PDGFD: variants seen among roughly 807,000 people sequenced by gnomAD.
The protein encoded by PDGFD is platelet-derived growth factor D.
Under a neutral mutation model 44.7 loss-of-function variants are expected in PDGFD, and 30 were observed. The observed-to-expected ratio is 0.67, with a 90% confidence interval of 0.50 to 0.91. The LOEUF is 0.91. Ranked by LOEUF, PDGFD falls within the 40% of genes least tolerant of loss-of-function variation. PDGFD has a pLI of 0.00. For synonymous variants in PDGFD, 173 were observed against 168.4 expected, an observed-to-expected ratio of 1.03 and a Z score of -0.21; for missense variants, 445 against 457.8, an observed-to-expected ratio of 0.97 and a Z score of 0.25.
intron 1 of PDGFD, among the ~76,000 whole-genome samples, chr11:104,020,165 A>G (rs1859928363): frequency 2.0e-5 from 3 of 152,168 alleles, no homozygotes; most frequent in South Asian, 4.1e-4. Context: ...TAGAAGCAAC[A>G]TATGTAATAA....
chr11:104,143,765 A>G (rs1862120055), intron 1 of PDGFD, among the ~76,000 whole-genome samples: 1 of 152,244 alleles, frequency 6.6e-6, no homozygotes, highest in South Asian at 2.1e-4. Context: ...AGATGAATCA[A>G]GTGAAACTCA....
chr11:103,958,164 A>C (rs1395197789), intron 3 of PDGFD, among the ~76,000 whole-genome samples: 2 of 152,122 alleles, frequency 1.3e-5, no homozygotes, highest in East Asian at 3.9e-4. Context: ...CTCATTCATC[A>C]TTTCTACAGT....
At chr11:104,068,585 A>G (rs923465731) in intron 1 of PDGFD, among the ~76,000 whole-genome samples, 3 of 152,192 alleles carry the variant, frequency 2.0e-5, no homozygotes, top group Non-Finnish European at 4.4e-5. Context: ...CAGCAATTAT[A>G]TAGTTTCTTC....
rs74860416 is a variant in PDGFD, at chr11:103,908,009, A to C, written c.*1685T>G. On this transcript the variant is annotated 3_prime_UTR_variant, in exon 7 of 7. Coordinates refer to ENST00000393158, the MANE Select transcript of PDGFD (RefSeq NM_025208.5). Reference sequence around the variant, plus strand: ...AATTGCACTGCTTAAGAATAGTTGAACTTGGACCTGAGAGCACCATACTTA... The same window carrying C: ...AATTGCACTGCTTAAGAATAGTTGACCTTGGACCTGAGAGCACCATACTTA... 1 of 152,136 alleles carries C rather than the reference A, an allele frequency of 6.6e-6. No homozygotes were observed. The highest frequency in any genetic ancestry group is 2.4e-5 in the African/African-American group (1 of 41,410). 9.4% of individuals were successfully genotyped at this position (152,136 alleles called of 1,614,324 possible).
chr11:103,935,344 T>A (rs993703749), intron 5 of PDGFD, among the ~76,000 whole-genome samples: 2 of 152,138 alleles, frequency 1.3e-5, no homozygotes, highest in African/African-American at 4.8e-5. Context: ...TGTGCCCTCA[T>A]AGACACACAC....
intron 3 of PDGFD, among the ~76,000 whole-genome samples, chr11:103,967,288 G>A (rs1226872110): frequency 6.6e-6 from 1 of 152,076 alleles, no homozygotes; most frequent in Non-Finnish European, 1.5e-5. Flanking sequence ...ATGTCAACTG[G>A]GTTCCTATAT....
intron 5 of PDGFD, among the ~76,000 whole-genome samples, chr11:103,934,217 T>C (rs1858452326): frequency 6.6e-6 from 1 of 152,166 alleles, no homozygotes; most frequent in Non-Finnish European, 1.5e-5. Context: ...AAGGAACTTG[T>C]TAAGATTAAA....
intron 1 of PDGFD, among the ~76,000 whole-genome samples, chr11:104,056,172 T>A (rs1229230833): frequency 2.6e-5 from 4 of 152,218 alleles, no homozygotes; most frequent in African/African-American, 9.6e-5. Flanking sequence ...TGTCAGATTA[T>A]CTATAAACAC....
chr11:104,022,704 T>C (rs1391841538), intron 1 of PDGFD, among the ~76,000 whole-genome samples: 2 of 151,260 alleles, frequency 1.3e-5, no homozygotes, highest in African/African-American at 2.4e-5. Context: ...ATATTATATA[T>C]GTATATCTCA....
At chr11:104,133,360 T>C (rs1268422636) in intron 1 of PDGFD, among the ~76,000 whole-genome samples, 1 of 152,206 alleles carries the variant, frequency 6.6e-6, no homozygotes, top group Admixed American at 6.5e-5. Context: ...AGTTTTTAAA[T>C]GCTGTGGGAA....
At chr11:103,934,245 A>C (rs1321088167) in intron 5 of PDGFD, among the ~76,000 whole-genome samples, 1 of 152,194 alleles carries the variant, frequency 6.6e-6, no homozygotes, top group Non-Finnish European at 1.5e-5. Context: ...TGAGTGTTTG[A>C]AGCACAGGTC....
At chr11:104,159,807 C>T (rs894841765) in intron 1 of PDGFD, among the ~76,000 whole-genome samples, 2 of 152,150 alleles carry the variant, frequency 1.3e-5, no homozygotes, top group Non-Finnish European at 2.9e-5. Context: ...TCATTATGGT[C>T]ATTAATGTCA....
intron 1 of PDGFD, among the ~76,000 whole-genome samples, chr11:104,127,700 C>T (rs12270330): frequency 0.25 from 37,852 of 151,488 alleles, 4,807 homozygotes; most frequent in East Asian, 0.29. Flanking sequence ...GGTATGAATA[C>T]GTGTGTGTGT....
intron 1 of PDGFD, among the ~76,000 whole-genome samples, chr11:104,138,441 C>A (rs1258118154): frequency 6.6e-6 from 1 of 152,156 alleles, no homozygotes; most frequent in Admixed American, 6.5e-5. Flanking sequence ...GTATGATTCT[C>A]CATTCAGTTA....
intron 1 of PDGFD, among the ~76,000 whole-genome samples, chr11:104,081,841 T>C (rs893253635): frequency 6.6e-6 from 1 of 152,118 alleles, no homozygotes. Context: ...TAGAATAAGT[T>C]TTTGAACTCC....
At chr11:104,032,911 T>C (rs2134390965) in intron 1 of PDGFD, among the ~76,000 whole-genome samples, 2 of 152,092 alleles carry the variant, frequency 1.3e-5, no homozygotes, top group African/African-American at 4.8e-5. Context: ...TAAGGGAGTA[T>C]ACTTCACAAA....
chr11:104,154,481 G>C (rs1862281037), intron 1 of PDGFD, among the ~76,000 whole-genome samples: 1 of 152,128 alleles, frequency 6.6e-6, no homozygotes, highest in Non-Finnish European at 1.5e-5. Context: ...ACTTCACCCA[G>C]AGCGTTTCCG....
At chr11:104,114,870 CA>C (rs1269370502) in intron 1 of PDGFD, among the ~76,000 whole-genome samples, 5 of 149,992 alleles carry the variant, frequency 3.3e-5, no homozygotes, top group Non-Finnish European at 7.4e-5. Context: ...TAAATCATAA[CA>C]TTTTTAGGTT....
intron 1 of PDGFD, among the ~76,000 whole-genome samples, chr11:104,074,520 C>T (rs554167989): frequency 1.8e-4 from 27 of 152,138 alleles, no homozygotes; most frequent in Non-Finnish European, 3.7e-4. Flanking sequence ...GAATAGGAAC[C>T]AAAAACATCT....
Sources: allele counts gnomAD v4.1 joint callset (sites outside exome capture counted in the v4.1 genomes callset), GRCh38; gene constraint gnomAD v4.1.1; transcripts MANE v1.5; gene names NCBI Gene and HGNC (gene_info 2026-07-23, HGNC 2026-07-21).